Variants in SAMD5 observed in about 807,000 individuals in gnomAD.
SAMD5 encodes sterile alpha motif domain containing 5.
A neutral mutation model predicts 11.3 loss-of-function variants in SAMD5; 13 were observed. The observed-to-expected ratio is 1.15, with a 90% CI of 0.75 to 1.83. The LOEUF (loss-of-function observed/expected upper bound fraction) is 1.83, where lower values mean the gene tolerates loss of function less well. Ranked by LOEUF, SAMD5 falls within the 40% of genes most tolerant of loss-of-function variation. SAMD5 has a pLI of 0.00. For missense variants in SAMD5, 255 were observed against 239.1 expected, an observed-to-expected ratio of 1.07 and a Z score of -0.44; for synonymous variants, 129 against 111.3, an observed-to-expected ratio of 1.16 and a Z score of -1.00.
chr6:147,548,451 G>A (rs1168743990), intron 1 of SAMD5, among the ~76,000 whole-genome samples: 2 of 152,084 alleles, frequency 1.3e-5, no homozygotes, highest in African/African-American at 2.4e-5. Context: ...ACAGAATTAT[G>A]TGTTCCCTGT....
chr6:147,515,316 G>A (rs1371759934), intron 1 of SAMD5, among the ~76,000 whole-genome samples: 1 of 149,466 alleles, frequency 6.7e-6, no homozygotes, highest in African/African-American at 2.5e-5. Flanking sequence ...ACAGTTTACT[G>A]CCTGTGGAGT....
At chr6:147,899,173 A>AT in the SAMD5 span, among the ~76,000 whole-genome samples, 1 of 102,386 alleles carries the variant, frequency 9.8e-6, no homozygotes, top group Non-Finnish European at 2.4e-5. Context: ...TCTGTCTCAA[A>AT]AAAAAAAAAA....
At chr6:147,535,034 C>G (rs1323972295) in intron 1 of SAMD5, among the ~76,000 whole-genome samples, 1 of 152,210 alleles carries the variant, frequency 6.6e-6, no homozygotes, top group Non-Finnish European at 1.5e-5. Flanking sequence ...TAAGTTAGAT[C>G]TCTTTCACTG....
intron 1 of SAMD5, among the ~76,000 whole-genome samples, chr6:147,602,405 G>A (rs1226443972): frequency 1.3e-5 from 2 of 152,094 alleles, no homozygotes; most frequent in African/African-American, 4.8e-5. Context: ...GTTCCTTTGC[G>A]ATGTTTGAAG....
the SAMD5 span, among the ~76,000 whole-genome samples, chr6:147,908,568 T>C: frequency 1.3e-5 from 2 of 152,216 alleles, no homozygotes; most frequent in African/African-American, 2.4e-5. Context: ...AGCTGGATCA[T>C]TGGGTCTCTG....
chr6:147,538,664 G>A (rs1181451003), intron 1 of SAMD5, among the ~76,000 whole-genome samples: 2 of 152,098 alleles, frequency 1.3e-5, no homozygotes, highest in Non-Finnish European at 2.9e-5. Flanking sequence ...ATAATCTAAT[G>A]CTCCAAAGTA....
At chr6:147,797,141 G>C in the SAMD5 span, among the ~76,000 whole-genome samples, 1 of 113,518 alleles carries the variant, frequency 8.8e-6, no homozygotes, top group Non-Finnish European at 1.7e-5. Context: ...TCCCTGTCTT[G>C]TGCCAGTTTT....
At chr6:147,616,711 G>T (rs844616) in intron 1 of SAMD5, among the ~76,000 whole-genome samples, 2 of 152,140 alleles carry the variant, frequency 1.3e-5, no homozygotes, top group African/African-American at 4.8e-5. Flanking sequence ...ACTCAGTTAC[G>T]CATGGCTGTG....
At chr6:147,813,932 T>A in the SAMD5 span, among the ~76,000 whole-genome samples, 7 of 152,244 alleles carry the variant, frequency 4.6e-5, no homozygotes. Context: ...AATTACCATT[T>A]CCTTATTGGG....
At chr6:147,802,465 G>A in the SAMD5 span, among the ~76,000 whole-genome samples, 1 of 152,180 alleles carries the variant, frequency 6.6e-6, no homozygotes, top group African/African-American at 2.4e-5. Context: ...CCATAGGAGT[G>A]AAAATGGTAC....
the SAMD5 span, among the ~76,000 whole-genome samples, chr6:147,807,256 C>T: frequency 1.3e-5 from 2 of 152,000 alleles, no homozygotes; most frequent in Non-Finnish European, 2.9e-5. Flanking sequence ...CTTGCCACCA[C>T]GCCTGGCTAA....
chr6:147,819,620 G>A, the SAMD5 span, among the ~76,000 whole-genome samples: 18 of 152,306 alleles, frequency 1.2e-4, no homozygotes, highest in East Asian at 3.5e-3. Context: ...GTTGTGTGTG[G>A]AGAAGCCTCT....
the SAMD5 span, among the ~76,000 whole-genome samples, chr6:147,794,203 A>T: frequency 3.3e-5 from 5 of 152,332 alleles, no homozygotes; most frequent in East Asian, 9.6e-4. Context: ...TTTATTTGAT[A>T]AATATCACAC....
At chr6:147,724,760 C>A (rs1028376910) in intron 1 of SAMD5, among the ~76,000 whole-genome samples, 22 of 152,042 alleles carry the variant, frequency 1.4e-4, no homozygotes, top group African/African-American at 5.3e-4. Context: ...CAATTTTCAT[C>A]TTCAAAAGAT....
chr6:147,729,678 C>T (rs946311436), intron 1 of SAMD5: 19 of 421,796 alleles, frequency 4.5e-5, no homozygotes, highest in Non-Finnish European at 6.7e-5. Flanking sequence ...AAAGAGAAGG[C>T]GAATGTGAGT....
chr6:147,703,193 G>T (rs758632847), intron 1 of SAMD5, among the ~76,000 whole-genome samples: 1 of 151,886 alleles, frequency 6.6e-6, no homozygotes, highest in African/African-American at 2.4e-5. Flanking sequence ...TCAGCCTCCC[G>T]AGTAGCTAGG....
chr6:147,944,793 A>G, the SAMD5 span, among the ~76,000 whole-genome samples: 2 of 152,320 alleles, frequency 1.3e-5, no homozygotes, highest in South Asian at 4.2e-4. Context: ...TCCACGATTA[A>G]GGTGTCAGCA....
the SAMD5 span, among the ~76,000 whole-genome samples, chr6:147,765,077 G>C: frequency 6.6e-6 from 1 of 152,046 alleles, no homozygotes; most frequent in Non-Finnish European, 1.5e-5. Context: ...CGTATATTTT[G>C]CCTGCATATT....
the SAMD5 span, among the ~76,000 whole-genome samples, chr6:147,921,749 C>T: frequency 1.3e-5 from 2 of 152,182 alleles, no homozygotes; most frequent in Admixed American, 1.3e-4. Context: ...GAGCCCAGCA[C>T]CCCCTGGCCT....
Sources: gnomAD v4.1 joint callset for allele counts (sites outside exome capture counted in the v4.1 genomes callset) on GRCh38, gnomAD v4.1.1 for gene constraint, MANE v1.5 for transcripts, NCBI Gene and HGNC (gene_info 2026-07-23, HGNC 2026-07-21) for gene names.